Variants in ZNF407 observed in about 807,000 individuals in gnomAD.
The protein encoded by ZNF407 is zinc finger protein 407.
In ZNF407, 17 loss-of-function variants were observed where a neutral mutation model predicts 131.2. The ratio of observed to expected loss-of-function variants is 0.13; its 90% CI spans 0.09 to 0.19. The LOEUF (loss-of-function observed/expected upper bound fraction) is 0.19, where lower values mean the gene tolerates loss of function less well. ZNF407 is among the 10% of genes least tolerant of loss of function. The pLI is 1.00. For synonymous variants in ZNF407, 1,156 were observed against 1,062.0 expected, an observed-to-expected ratio of 1.09 and a Z score of -1.72; for missense variants, 2,681 against 2,830.6, an observed-to-expected ratio of 0.95 and a Z score of 1.20.
At chr18:74,849,052 C>CTTTTTTTTTTTTTT (rs35529971) in intron 4 of ZNF407, among the ~76,000 whole-genome samples, 22 of 122,900 alleles carry the variant, frequency 1.8e-4, no homozygotes, top group South Asian at 2.7e-4. Context: ...ACTTTTGTTT[C>CTTTTTTTTTTTTTT]TTTTTTTTTT....
At chr18:74,793,884 A>G (rs1172166851) in intron 4 of ZNF407, among the ~76,000 whole-genome samples, 1 of 152,182 alleles carries the variant, frequency 6.6e-6, no homozygotes, top group Non-Finnish European at 1.5e-5. Flanking sequence ...AGTCTTCTCA[A>G]ATGGGGTGTC....
At chr18:74,832,874 T>C (rs1970504610) in intron 4 of ZNF407, among the ~76,000 whole-genome samples, 1 of 152,232 alleles carries the variant, frequency 6.6e-6, no homozygotes, top group South Asian at 2.1e-4. Context: ...TTGCTGTTTA[T>C]TTTTTATTTT....
chr18:74,873,481 C>T (rs73476404), intron 4 of ZNF407, among the ~76,000 whole-genome samples: 2 of 152,096 alleles, frequency 1.3e-5, no homozygotes, highest in Admixed American at 6.5e-5. Flanking sequence ...AAAAAAACAA[C>T]GCACATAGTA....
intron 7 of ZNF407, among the ~76,000 whole-genome samples, chr18:74,917,956 G>A (rs758128897): frequency 1.3e-5 from 2 of 152,162 alleles, no homozygotes; most frequent in Non-Finnish European, 2.9e-5. Flanking sequence ...GGTGAATTTA[G>A]GAGGTGTCTG....
At chr18:74,710,190 A>T (rs1967724841) in intron 3 of ZNF407, among the ~76,000 whole-genome samples, 1 of 152,190 alleles carries the variant, frequency 6.6e-6, no homozygotes, top group African/African-American at 2.4e-5. Context: ...TTTGCACATT[A>T]CCTCTGTTAT....
intron 1 of ZNF407, among the ~76,000 whole-genome samples, chr18:74,604,782 C>T (rs1040158406): frequency 5.4e-4 from 82 of 152,106 alleles, no homozygotes; most frequent in Middle Eastern, 3.4e-3. Flanking sequence ...TCATGTAATC[C>T]CCCCAAATCT....
rs947648851 is a variant in ZNF407 at position 74,978,110 on chromosome 18, G to A, written c.5428+57418G>A. On this transcript the variant is annotated intron_variant, in intron 8 of 8. Transcript: ENST00000299687. The stretch of plus-strand genomic sequence containing the variant: ...TTTAACGTGGAGTCCTGAAAGAGAG[G>A]CAGTGCGCCTTTGGGACCTTCACGG... 1.3e-5 allele frequency among the ~76,000 whole-genome samples: 2 copies of A among 152,126 alleles called. 1 individual carries two copies. Among genetic ancestry groups the A allele is most frequent in the African/African-American group, 4.8e-5 (2 of 41,426 alleles).
At chr18:74,787,681 C>T (rs574498663) in intron 4 of ZNF407, among the ~76,000 whole-genome samples, 1 of 152,170 alleles carries the variant, frequency 6.6e-6, no homozygotes, top group Non-Finnish European at 1.5e-5. Context: ...TGTCACGATT[C>T]CTTCTTTCTT....
intron 7 of ZNF407, among the ~76,000 whole-genome samples, chr18:74,907,936 T>G (rs374344796): frequency 9.8e-5 from 15 of 152,338 alleles, no homozygotes; most frequent in Middle Eastern, 3.4e-3. Context: ...ATCTGTCACC[T>G]TAAGTTTTAA....
At chr18:74,995,393 T>A (rs1047110762) in intron 8 of ZNF407, among the ~76,000 whole-genome samples, 3 of 152,060 alleles carry the variant, frequency 2.0e-5, no homozygotes, top group Non-Finnish European at 4.4e-5. Flanking sequence ...CTGAGGGTGA[T>A]TCGATCCTAC....
chr18:74,994,816 A>G (rs1972761323), intron 8 of ZNF407, among the ~76,000 whole-genome samples: 2 of 152,210 alleles, frequency 1.3e-5, no homozygotes, highest in African/African-American at 4.8e-5. Context: ...GCCACAGCAC[A>G]GTGTGGACAG....
intron 8 of ZNF407, among the ~76,000 whole-genome samples, chr18:75,031,740 G>T (rs1973242773): frequency 1.3e-5 from 2 of 152,178 alleles, no homozygotes; most frequent in African/African-American, 4.8e-5. Flanking sequence ...CTTCTGGCAG[G>T]AATATGGAGC....
chr18:74,893,101 C>T (rs1183233596), intron 7 of ZNF407, among the ~76,000 whole-genome samples: 1 of 152,186 alleles, frequency 6.6e-6, no homozygotes, highest in African/African-American at 2.4e-5. Flanking sequence ...TTCAAGTTAT[C>T]TCCCTGAAAT....
chr18:74,950,335 G>A (rs1972199831), intron 8 of ZNF407, among the ~76,000 whole-genome samples: 1 of 152,178 alleles, frequency 6.6e-6, no homozygotes, highest in Non-Finnish European at 1.5e-5. Flanking sequence ...TAAGCAATTA[G>A]GTAATTCACA....
intron 4 of ZNF407, among the ~76,000 whole-genome samples, chr18:74,808,266 G>T (rs1191844567): frequency 1.3e-5 from 2 of 152,134 alleles, no homozygotes; most frequent in African/African-American, 4.8e-5. Flanking sequence ...CACCGGCCTT[G>T]GCCTCCCAAA....
intron 4 of ZNF407, among the ~76,000 whole-genome samples, chr18:74,808,793 A>G (rs932487135): frequency 1.3e-5 from 2 of 152,188 alleles, no homozygotes; most frequent in Non-Finnish European, 2.9e-5. Flanking sequence ...GAGTGTCATC[A>G]CTTTGATAGA....
At chr18:74,869,220 C>T (rs751161657) in intron 4 of ZNF407, among the ~76,000 whole-genome samples, 2 of 152,138 alleles carry the variant, frequency 1.3e-5, no homozygotes, top group Non-Finnish European at 2.9e-5. Context: ...ATATTAGTAA[C>T]TATTATTTTA....
At chr18:74,896,368 T>C (rs1971453707) in intron 7 of ZNF407, among the ~76,000 whole-genome samples, 1 of 152,208 alleles carries the variant, frequency 6.6e-6, no homozygotes, top group African/African-American at 2.4e-5. Flanking sequence ...ATCTAGTCGA[T>C]GGAATAAAAA....
At chr18:74,841,074 C>T (rs904306522) in intron 4 of ZNF407, among the ~76,000 whole-genome samples, 8 of 152,238 alleles carry the variant, frequency 5.3e-5, no homozygotes, top group African/African-American at 1.4e-4. Flanking sequence ...TGCACTGCTC[C>T]GGTGTGCTGG....
Sources: allele counts gnomAD v4.1 joint callset (sites outside exome capture counted in the v4.1 genomes callset), GRCh38; gene constraint gnomAD v4.1.1; transcripts MANE v1.5; gene names NCBI Gene and HGNC (gene_info 2026-07-23, HGNC 2026-07-21).